Variants in PLD5 observed in about 807,000 individuals in gnomAD.
PLD5 encodes inactive phospholipase D5.
In PLD5, 36 loss-of-function variants were observed where a neutral mutation model predicts 61.1. The observed-to-expected ratio is 0.59, with a 90% confidence interval of 0.45 to 0.78. The LOEUF is 0.78. Among genes scored for constraint, PLD5 ranks in the 30% least tolerant of loss-of-function variants. The probability of loss-of-function intolerance (pLI) is 0.00; values close to 1 mark genes in which losing one functional copy is unlikely to be tolerated. For synonymous variants in PLD5, 243 were observed against 242.8 expected (o/e 1.00, Z -0.01); for missense variants, 515 against 644.4 (o/e 0.80, Z 2.17).
chr1:242,281,814 T>A (rs546130496), intron 3 of PLD5, among the ~76,000 whole-genome samples: 21 of 152,240 alleles, frequency 1.4e-4, no homozygotes, highest in Middle Eastern at 6.8e-3. Context: ...TCAACGGGTG[T>A]GTCAACCAAT....
intron 9 of PLD5, among the ~76,000 whole-genome samples, chr1:242,091,832 C>CTTTTTTTTT (rs750237371): frequency 3.2e-5 from 4 of 123,426 alleles, no homozygotes; most frequent in Non-Finnish European, 1.7e-5. Context: ...TTCTTTTTTT[C>CTTTTTTTTT]TTTTTTTTTT....
At chr1:242,174,357 T>A (rs1169388916) in intron 5 of PLD5, among the ~76,000 whole-genome samples, 1 of 152,182 alleles carries the variant, frequency 6.6e-6, no homozygotes, top group African/African-American at 2.4e-5. Context: ...GGATACCACC[T>A]CACACCAGTT....
At chr1:242,195,335 A>G (rs1459056319) in intron 5 of PLD5, among the ~76,000 whole-genome samples, 5 of 152,206 alleles carry the variant, frequency 3.3e-5, no homozygotes, top group African/African-American at 4.8e-5. Context: ...GAGGGTAAAG[A>G]GAGCAGAGCT....
chr1:242,525,043 G>T (rs1189563868), upstream of PLD5, among the ~76,000 whole-genome samples: 1 of 151,354 alleles, frequency 6.6e-6, no homozygotes, highest in Non-Finnish European at 1.5e-5. Context: ...TCTATCCAGC[G>T]GCGCCCCCTC....
At chr1:242,420,839 A>T (rs1221687866) in intron 1 of PLD5, among the ~76,000 whole-genome samples, 1 of 152,204 alleles carries the variant, frequency 6.6e-6, no homozygotes, top group Non-Finnish European at 1.5e-5. Flanking sequence ...TATCTTCAAA[A>T]AATGCATGTC....
intron 1 of PLD5, among the ~76,000 whole-genome samples, chr1:242,457,018 T>G (rs900212688): frequency 6.6e-6 from 1 of 152,224 alleles, no homozygotes; most frequent in African/African-American, 2.4e-5. Flanking sequence ...TTATTCTGTT[T>G]CTCTAAATAA....
chr1:242,195,539 T>C (rs559758586), intron 5 of PLD5, among the ~76,000 whole-genome samples: 2 of 152,252 alleles, frequency 1.3e-5, no homozygotes, highest in African/African-American at 4.8e-5. Context: ...AAAAATAACT[T>C]GAAAATAAAA....
intron 1 of PLD5, among the ~76,000 whole-genome samples, chr1:242,394,997 G>GAATATATATGATTATATATGATTA (rs1216366344): frequency 6.9e-5 from 4 of 57,886 alleles, no homozygotes; most frequent in African/African-American, 3.2e-4. Flanking sequence ...GAATATATAT[G>GAATATATATGATTATATATGATTA]TATATATGAA....
At chr1:242,296,744 T>C (rs977959199) in intron 2 of PLD5, among the ~76,000 whole-genome samples, 17 of 152,128 alleles carry the variant, frequency 1.1e-4, no homozygotes, top group African/African-American at 4.1e-4. Flanking sequence ...TCTTGCTATG[T>C]TGTTCAGGCT....
At chr1:242,376,028 A>C (rs12759018) in intron 1 of PLD5, among the ~76,000 whole-genome samples, 49,182 of 152,142 alleles carry the variant, frequency 0.32, 9,750 homozygotes, top group Non-Finnish European at 0.43. Flanking sequence ...GTGTTTCTGT[A>C]ATATTTAATA....
chr1:242,499,561 C>G (rs1252553186), intron 1 of PLD5, among the ~76,000 whole-genome samples: 1 of 152,114 alleles, frequency 6.6e-6, no homozygotes, highest in Non-Finnish European at 1.5e-5. Context: ...TAAGATCTCC[C>G]TTTCTTACTT....
intron 2 of PLD5, among the ~76,000 whole-genome samples, chr1:242,336,119 A>AT (rs1264740106): frequency 2.6e-5 from 4 of 152,108 alleles, no homozygotes; most frequent in Admixed American, 2.0e-4. Context: ...TTAAAAATAC[A>AT]TTTTTTTCTT....
At chr1:242,410,421 T>TCC (rs1558542291) in intron 1 of PLD5, among the ~76,000 whole-genome samples, 2 of 148,604 alleles carry the variant, frequency 1.3e-5, no homozygotes, top group African/African-American at 5.0e-5. Context: ...ATTTTTTTTT[T>TCC]CCAATCTCTA....
chr1:242,266,626 T>G (rs1807221), intron 3 of PLD5, among the ~76,000 whole-genome samples: 32,066 of 108,402 alleles, frequency 0.3, 5,062 homozygotes, highest in East Asian at 0.65. Context: ...TTGCTGTTGG[T>G]TCACAAACTC....
chr1:242,271,175 C>T (rs1674044491), intron 3 of PLD5, among the ~76,000 whole-genome samples: 1 of 62,888 alleles, frequency 1.6e-5, no homozygotes, highest in African/African-American at 4.8e-5. Flanking sequence ...TACACATGTG[C>T]ATGTACACAC....
chr1:242,474,738 C>G (rs776632169), intron 1 of PLD5, among the ~76,000 whole-genome samples: 3 of 152,132 alleles, frequency 2.0e-5, no homozygotes, highest in Non-Finnish European at 4.4e-5. Context: ...TCCATAAATA[C>G]TGTTATTCTC....
chr1:242,482,075 A>C (rs1667797038), intron 1 of PLD5, among the ~76,000 whole-genome samples: 2 of 152,240 alleles, frequency 1.3e-5, no homozygotes, highest in African/African-American at 4.8e-5. Context: ...CCATCATCAA[A>C]GACCAAAGGT....
At chr1:242,437,645 C>T (rs1666061714) in intron 1 of PLD5, among the ~76,000 whole-genome samples, 1 of 151,706 alleles carries the variant, frequency 6.6e-6, no homozygotes, top group Admixed American at 6.6e-5. Flanking sequence ...GCAGATTCAG[C>T]CACTGTACTC....
chr1:242,243,636 G>A (rs918228303), intron 4 of PLD5, among the ~76,000 whole-genome samples: 4 of 152,140 alleles, frequency 2.6e-5, no homozygotes, highest in African/African-American at 9.7e-5. Context: ...CCCTTTGGAA[G>A]GGACAATAGA....
Sources: allele counts gnomAD v4.1 joint callset (sites outside exome capture counted in the v4.1 genomes callset), GRCh38; gene constraint gnomAD v4.1.1; transcripts MANE v1.5; gene names NCBI Gene and HGNC (gene_info 2026-07-23, HGNC 2026-07-21).